The following CRLF1 variants were observed in gnomAD, a reference collection of about 807,000 sequenced individuals.
The protein encoded by CRLF1 is cytokine receptor-like factor 1.
In CRLF1, 36 loss-of-function variants were observed where a neutral mutation model predicts 48.9. The observed-to-expected ratio is 0.74, with a 90% CI of 0.56 to 0.97. CRLF1 has a LOEUF of 0.97. Among genes scored for constraint, CRLF1 ranks in the 50% least tolerant of loss-of-function variants. CRLF1 has a pLI of 0.00. For synonymous variants in CRLF1, 256 were observed against 253.4 expected (o/e 1.01, Z -0.10); for missense variants, 534 against 575.1 (o/e 0.93, Z 0.73).
Position 18,606,594 on chromosome 19 carries a change from G to T in CRLF1, c.63C>A (p.Pro21=). 1 of 1,091,192 alleles carries T rather than the reference G, an allele frequency of 9.2e-7. No individual in the cohort carries two copies. Among genetic ancestry groups the T allele is most frequent in the African/African-American group, 1.7e-5 (1 of 59,528 alleles). 67.6% of individuals were successfully genotyped at this position (1,091,192 alleles called of 1,614,324 possible). Residue 21 remains proline (P), a synonymous_variant, in exon 1 of 9, where the codon CCC becomes CCA. Coordinates refer to ENST00000392386, the MANE Select transcript of CRLF1 (RefSeq NM_004750.5). This position sits in a 1 kb window ranked among gnomAD's most constrained non-coding sequence, Gnocchi z 4.8. ...CGAGGACGCAGAGCAGCAGCAGCAGGGGCAGCAACGGCGGCGGCCGCCGCG... is the reference window on the plus strand; with the variant it reads ...CGAGGACGCAGAGCAGCAGCAGCAGTGGCAGCAACGGCGGCGGCCGCCGCG... The part of the protein sequence containing the change: ...QSARRPPPLL[P]LLLLLCVLGA...
chr19:18,600,575 C>T (rs1222996615), intron 1 of CRLF1, among the ~76,000 whole-genome samples: 1 of 152,142 alleles, frequency 6.6e-6, no homozygotes, highest in African/African-American at 2.4e-5. Context: ...AGCATGTTAG[C>T]CAGGATGGTC....
intron 1 of CRLF1, among the ~76,000 whole-genome samples, chr19:18,602,411 C>T (rs1250698928): frequency 6.6e-6 from 1 of 152,056 alleles, no homozygotes; most frequent in African/African-American, 2.4e-5. Context: ...GAGTTTGAGA[C>T]AGCCTGGGCA....
chr19:18,606,596 G>C lies in CRLF1; in HGVS notation c.61C>G (p.Pro21Ala). 8.9e-7 allele frequency: 1 copy of C among 1,126,028 alleles called. No homozygotes were observed. Among genetic ancestry groups the C allele is most frequent in the Non-Finnish European group, 1.1e-6 (1 of 921,266 alleles). 69.8% of individuals were successfully genotyped at this position (1,126,028 alleles called of 1,614,324 possible). ...AGGACGCAGAGCAGCAGCAGCAGGGGCAGCAACGGCGGCGGCCGCCGCGCG... is the reference window on the plus strand; with the variant it reads ...AGGACGCAGAGCAGCAGCAGCAGGGCCAGCAACGGCGGCGGCCGCCGCGCG... ...QSARRPPPLLPLLLLLCVLGA... is the reference protein window; with the variant it reads ...QSARRPPPLLALLLLLCVLGA... Residue 21 changes from proline (P) to alanine (A), a missense_variant, in exon 1 of 9, where the codon CCC becomes GCC. This residue lies in a region of CRLF1 where 528 missense variants were observed against 555.7 expected (regional missense o/e 0.95). Transcript: ENST00000392386. The surrounding 1 kb of genome is among the most constrained non-coding windows in gnomAD (Gnocchi z 4.8).
intron 4 of CRLF1, among the ~76,000 whole-genome samples, chr19:18,597,668 G>A (rs979075574): frequency 2.0e-5 from 3 of 151,962 alleles, no homozygotes; most frequent in Non-Finnish European, 4.4e-5. Flanking sequence ...TCCTGACCTC[G>A]TGATCCGCCC....
At chr19:18,603,840 T>A (rs904061991) in intron 1 of CRLF1, among the ~76,000 whole-genome samples, 1 of 120,170 alleles carries the variant, frequency 8.3e-6, no homozygotes, top group Non-Finnish European at 1.6e-5. Flanking sequence ...TCCGCGTCCG[T>A]GCGAAGGAGC....
chr19:18,600,393 C>G (rs7248037), intron 1 of CRLF1, among the ~76,000 whole-genome samples: 95,645 of 141,026 alleles, frequency 0.68, 33,664 homozygotes, highest in African/African-American at 0.88. Flanking sequence ...TTTTGAGACG[C>G]AGTCTTGCTC....
chr19:18,594,196 C>A (rs191482124), intron 7 of CRLF1, 51 bp downstream of exon 7: 7 of 1,608,414 alleles, frequency 4.4e-6, no homozygotes, highest in Admixed American at 3.4e-5. Flanking sequence ...TTTTCTGGGC[C>A]CCCCCAGCTC....
rs373638052 is a variant in CRLF1 at position 18,594,111 on chromosome 19, T to C, written c.1213-4A>G. 5 of 1,507,596 alleles carry C rather than the reference T, an allele frequency of 3.3e-6. No individual in the cohort carries two copies. The highest frequency in any genetic ancestry group is 2.8e-5 in the African/African-American group (2 of 71,030). The allele number at this position is 1,507,596 out of a possible 1,614,324, so 93.4% of individuals were successfully genotyped here. ...CCGAGGGCAGGATCCCCTCGTCCTGTGCTTGGAAGGAAGGCAGAGGTGTCG... is the reference window on the plus strand; with the variant it reads ...CCGAGGGCAGGATCCCCTCGTCCTGCGCTTGGAAGGAAGGCAGAGGTGTCG... On this transcript the variant is annotated splice_polypyrimidine_tract_variant and splice_region_variant and intron_variant, in intron 7 of 8. Coordinates refer to ENST00000392386, the MANE Select transcript of CRLF1 (RefSeq NM_004750.5).
chr19:18,600,250 G>A (rs990335446), intron 1 of CRLF1, among the ~76,000 whole-genome samples: 2 of 152,142 alleles, frequency 1.3e-5, no homozygotes, highest in African/African-American at 4.8e-5. Flanking sequence ...CCAGGCTGGA[G>A]TGCAGTGGCA....
At chr19:18,603,869 C>A (rs1388037303) in intron 1 of CRLF1, among the ~76,000 whole-genome samples, 1 of 129,336 alleles carries the variant, frequency 7.7e-6, no homozygotes, top group Admixed American at 8.5e-5. Context: ...CGGGCCAGAG[C>A]CGAGGAGGCG....
At chr19:18,594,032 T>TTGCCCC in intron 8 of CRLF1, 33 bp downstream of exon 8, 7 of 695,804 alleles carry the variant, frequency 1.0e-5, no homozygotes, top group African/African-American at 2.1e-5. Context: ...CTCCCCTTGC[T>TTGCCCC]CCCTCCCGCC....
intron 1 of CRLF1, 28 bp from the exon 2 acceptor site, chr19:18,599,874 G>A (rs771113544): frequency 6.7e-7 from 1 of 1,495,662 alleles, no homozygotes. Context: ...CACGTGTCAG[G>A]CCAGGGCGGG....
Position 18,598,823 on chromosome 19 carries a change from G to A in CRLF1, c.476C>T (p.Ala159Val). The change falls in exon 3 of 9, where the codon GCC (alanine) becomes GTC (valine). Residue 159 changes from alanine (A) to valine (V), a missense_variant. Physicochemically the swap from Ala to Val is moderately conservative, Grantham distance 64. Around this residue, in one of 2 missense-constraint regions of CRLF1, gnomAD observed 528 missense variants for 555.7 expected, o/e 0.95. Transcript: ENST00000392386. ...KDLTCRWTPG[A>V]HGETFLHTNY... ...GGTGTGGAGGAAGGTCTCCCCGTGG[G>A]CCCCTGGCGTCCAGCGGCAGGTCAA... is the stretch of plus-strand genomic sequence containing the variant. The A allele has an allele frequency of 1.2e-6, 2 of 1,614,106 alleles. No individual in the cohort carries two copies. Among genetic ancestry groups the A allele is most frequent in the Non-Finnish European group, 8.5e-7 (1 of 1,179,996 alleles).
chr19:18,597,327 G>A (rs368570956), intron 4 of CRLF1, among the ~76,000 whole-genome samples: 5 of 151,904 alleles, frequency 3.3e-5, no homozygotes, highest in South Asian at 2.1e-4. Flanking sequence ...TTGCGGGGTT[G>A]ATGATATTAT....
At chr19:18,596,499 C>T in intron 6 of CRLF1, 123 bp downstream of exon 6, 8 of 1,210,362 alleles carry the variant, frequency 6.6e-6, no homozygotes, top group Non-Finnish European at 9.1e-6. Context: ...CAGATCACAC[C>T]ACTATGCGAC....
rs35521276 is a variant in CRLF1 at position 18,598,365 on chromosome 19, C to T, written c.697+67G>A. On this transcript the variant is annotated intron_variant, in intron 4 of 8. Coordinates refer to ENST00000392386, the MANE Select transcript of CRLF1 (RefSeq NM_004750.5). Reference sequence around the variant, plus strand: ...AGGAAAAATGAGAAGGTGCAGGGGACCCCTCGGGATGCTCGGTGGGTGGGG... The same window carrying T: ...AGGAAAAATGAGAAGGTGCAGGGGATCCCTCGGGATGCTCGGTGGGTGGGG... 0.31 allele frequency: 478,184 copies of T among 1,530,672 alleles called. 80,253 individuals are homozygous for T. The highest frequency in any genetic ancestry group is 0.34 in the Non-Finnish European group (388,501 of 1,126,678). 94.8% of individuals were successfully genotyped at this position (1,530,672 alleles called of 1,614,324 possible). A position where few individuals can be genotyped will look rare whatever the true frequency, so the allele number is the denominator to read the frequency against.
At chr19:18,594,032 T>TGGGGGGG in intron 8 of CRLF1, 33 bp downstream of exon 8, 96 of 695,620 alleles carry the variant, frequency 1.4e-4, no homozygotes, top group Non-Finnish European at 1.9e-4. Flanking sequence ...CTCCCCTTGC[T>TGGGGGGG]CCCTCCCGCC....
In CRLF1 at chr19:18,598,753, C is replaced by T. The variant is rs769444550; in HGVS notation, c.527+19G>A. ...CAGCCAGCCTGGGACACACACATCG[C>T]CCTCAGGCCACCACCAACCTAAGCT... On this transcript the variant is annotated intron_variant, in intron 3 of 8. Coordinates refer to ENST00000392386, the MANE Select transcript of CRLF1 (RefSeq NM_004750.5). The T allele has an allele frequency of 8.1e-6, 13 of 1,614,076 alleles. No individual in the cohort carries two copies. Among genetic ancestry groups the T allele is most frequent in the Non-Finnish European group, 9.3e-6 (11 of 1,179,986 alleles).
At chr19:18,597,279 CAT>C (rs1275312284) in intron 4 of CRLF1, among the ~76,000 whole-genome samples, 1 of 152,110 alleles carries the variant, frequency 6.6e-6, no homozygotes, top group Non-Finnish European at 1.5e-5. Context: ...ACGGGAGAAA[CAT>C]AATCCTATCT....
Sources: allele counts gnomAD v4.1 joint callset (sites outside exome capture counted in the v4.1 genomes callset), GRCh38; gene constraint gnomAD v4.1.1; regional missense constraint gnomAD v4.1.1; non-coding constraint Gnocchi (gnomAD v3.1); transcripts MANE v1.5; gene names NCBI Gene and HGNC (gene_info 2026-07-23, HGNC 2026-07-21).